Variants in TENM4 observed in about 807,000 individuals in gnomAD.
TENM4 encodes the protein teneurin-4.
TENM4 carries 82 observed loss-of-function variants against 243.3 expected under a neutral mutation model. That is an observed-to-expected ratio of 0.34 (90% CI 0.28 to 0.40). The LOEUF (loss-of-function observed/expected upper bound fraction) is 0.40. Ranked by LOEUF, TENM4 falls within the 10% of genes least tolerant of loss-of-function variation. The pLI, the probability that TENM4 is intolerant of heterozygous loss-of-function variation, is 1.00. For synonymous variants in TENM4, 1,412 were observed against 1,456.3 expected, an observed-to-expected ratio of 0.97 and a Z score of 0.69; for missense variants, 3,138 against 3,673.3, an observed-to-expected ratio of 0.85 and a Z score of 3.77.
At chr11:79,332,439 T>C (rs1590886247) in intron 1 of TENM4, among the ~76,000 whole-genome samples, 1 of 152,256 alleles carries the variant, frequency 6.6e-6, no homozygotes, top group Non-Finnish European at 1.5e-5. Context: ...CTTTCATCCT[T>C]CTTTGTAATT....
chr11:79,361,734 G>C (rs1209113528), intron 1 of TENM4, among the ~76,000 whole-genome samples: 1 of 152,120 alleles, frequency 6.6e-6, no homozygotes, highest in South Asian at 2.1e-4. Context: ...TATTTAAACT[G>C]TGTGTTATAG....
rs970639510 is a variant in TENM4 at position 78,654,322 on chromosome 11, A to G, written c.*3736T>C. ...TGAAAGCTCATTCCTCCTGGGCAGA[A>G]AGCTCAGCATCACCGCCCTCACCAC... On this transcript the variant is annotated 3_prime_UTR_variant, in exon 34 of 34. Transcript: ENST00000278550. 6.6e-6 allele frequency: 1 copy of G among 152,176 alleles called. No homozygotes were observed. Among genetic ancestry groups the G allele is most frequent in the African/African-American group, 2.4e-5 (1 of 41,434 alleles). 9.4% of individuals were successfully genotyped at this position (152,176 alleles called of 1,614,324 possible).
At chr11:79,171,601 A>T (rs1175980106) in intron 3 of TENM4, among the ~76,000 whole-genome samples, 3 of 152,212 alleles carry the variant, frequency 2.0e-5, no homozygotes, top group Non-Finnish European at 4.4e-5. Flanking sequence ...GAGGAAGAGG[A>T]TCTGGGAAAC....
rs376137945 is a variant in TENM4, at chr11:78,738,411, C to T, written c.2876+40G>A. 1.2e-4 allele frequency: 189 copies of T among 1,595,396 alleles called. No homozygotes were observed. In the African/African-American group the frequency reaches 1.4e-3, roughly 12 times the overall value. On this transcript the variant is annotated intron_variant, in intron 20 of 33. Coordinates refer to ENST00000278550, the MANE Select transcript of TENM4 (RefSeq NM_001098816.3). ...CAGCTATATGGCAAGACCACAAGAGCGGGACCTTCACTGTTTCTGGCTCAT... is the reference window on the plus strand; with the variant it reads ...CAGCTATATGGCAAGACCACAAGAGTGGGACCTTCACTGTTTCTGGCTCAT...
intron 2 of TENM4, among the ~76,000 whole-genome samples, chr11:79,285,562 T>A (rs1390752935): frequency 1.3e-5 from 2 of 152,126 alleles, no homozygotes; most frequent in African/African-American, 4.8e-5. Flanking sequence ...CCATGAATGT[T>A]CATAGCATCA....
intron 2 of TENM4, among the ~76,000 whole-genome samples, chr11:79,218,472 A>G (rs1026440577): frequency 6.6e-5 from 10 of 151,946 alleles, no homozygotes; most frequent in African/African-American, 2.4e-4. Context: ...AAACACTCAA[A>G]TTTCTTTCTC....
chr11:79,234,689 C>T (rs1864431083), intron 2 of TENM4, among the ~76,000 whole-genome samples: 1 of 152,182 alleles, frequency 6.6e-6, no homozygotes, highest in Admixed American at 6.5e-5. Flanking sequence ...CTTAATGGGT[C>T]TCATCCTTTT....
intron 1 of TENM4, among the ~76,000 whole-genome samples, chr11:79,305,554 T>G (rs1856612707): frequency 6.6e-6 from 1 of 152,028 alleles, no homozygotes; most frequent in Non-Finnish European, 1.5e-5. Context: ...AAACAAAAGG[T>G]CTGTGGCAAG....
At chr11:79,052,454 A>C (rs1026205649) in intron 6 of TENM4, among the ~76,000 whole-genome samples, 1 of 152,164 alleles carries the variant, frequency 6.6e-6, no homozygotes, top group South Asian at 2.1e-4. Flanking sequence ...TCCTTTGCCC[A>C]CTTTTAAATG....
chr11:78,977,983 A>G (rs1247706793), intron 6 of TENM4, among the ~76,000 whole-genome samples: 1 of 152,214 alleles, frequency 6.6e-6, no homozygotes, highest in African/African-American at 2.4e-5. Flanking sequence ...GACTGGATAA[A>G]GATAATGTGG....
intron 9 of TENM4, among the ~76,000 whole-genome samples, chr11:78,869,842 C>T (rs1169154507): frequency 6.6e-6 from 1 of 152,176 alleles, no homozygotes; most frequent in African/African-American, 2.4e-5. Flanking sequence ...ACAAAGATTT[C>T]GCTGACAGCA....
At chr11:79,082,074 C>T (rs1860689564) in intron 4 of TENM4, among the ~76,000 whole-genome samples, 1 of 152,156 alleles carries the variant, frequency 6.6e-6, no homozygotes, top group Non-Finnish European at 1.5e-5. Context: ...GATTCTTCCC[C>T]AATGCTAAGA....
chr11:79,332,942 A>G (rs947092001), intron 1 of TENM4, among the ~76,000 whole-genome samples: 2 of 152,180 alleles, frequency 1.3e-5, no homozygotes, highest in Admixed American at 1.3e-4. Context: ...CTCTGGAGGT[A>G]TACCCAATTC....
chr11:78,670,652 G>T, intron 31 of TENM4, 101 bp from the exon 32 acceptor site: 3 of 1,190,564 alleles, frequency 2.5e-6, no homozygotes, highest in South Asian at 2.9e-5. Flanking sequence ...TGTCCAAGGA[G>T]AATCCTGAGT....
At chr11:79,381,450 A>T (rs1858000915) in intron 1 of TENM4, among the ~76,000 whole-genome samples, 1 of 151,736 alleles carries the variant, frequency 6.6e-6, no homozygotes, top group Non-Finnish European at 1.5e-5. Context: ...GCAGTGGCTA[A>T]CACACAGGAC....
chr11:79,083,359 G>T (rs1208748752), intron 4 of TENM4, among the ~76,000 whole-genome samples: 1 of 152,208 alleles, frequency 6.6e-6, no homozygotes, highest in Non-Finnish European at 1.5e-5. Flanking sequence ...GACTGGTTCG[G>T]TTTTGTCATC....
intron 6 of TENM4, 42 bp downstream of exon 6, chr11:79,064,696 C>T (rs1401300086): frequency 1.9e-6 from 3 of 1,549,218 alleles, no homozygotes; most frequent in Admixed American, 2.0e-5. Context: ...AACCCCAGCC[C>T]CACCACCCAG....
At chr11:78,924,166 T>A (rs1856507012) in intron 6 of TENM4, among the ~76,000 whole-genome samples, 1 of 152,212 alleles carries the variant, frequency 6.6e-6, no homozygotes, top group South Asian at 2.1e-4. Context: ...GTTCTTTGTT[T>A]TTAATACTGA....
At chr11:79,227,688 G>GTTGATAA (rs1489510691) in intron 2 of TENM4, among the ~76,000 whole-genome samples, 2 of 152,088 alleles carry the variant, frequency 1.3e-5, no homozygotes, top group Non-Finnish European at 2.9e-5. Flanking sequence ...GCTTGCATGG[G>GTTGATAA]ACTTTTTTTG....
Sources: gnomAD v4.1 joint callset for allele counts (sites outside exome capture counted in the v4.1 genomes callset) on GRCh38, gnomAD v4.1.1 for gene constraint, MANE v1.5 for transcripts, NCBI Gene and HGNC (gene_info 2026-07-23, HGNC 2026-07-21) for gene names.